Variants in DGKH observed in about 807,000 individuals in gnomAD.
DGKH encodes the protein DAG kinase eta.
DGKH carries 90 observed loss-of-function variants against 159.3 expected under a neutral mutation model. That is an observed-to-expected ratio of 0.57 (90% CI 0.48 to 0.67). The LOEUF is 0.67. Ranked by LOEUF, DGKH falls within the 30% of genes least tolerant of loss-of-function variation. The pLI, the probability that DGKH is intolerant of heterozygous loss-of-function variation, is 0.00. For missense variants in DGKH, 1,181 were observed against 1,506.1 expected (o/e 0.78, Z 3.57); for synonymous variants, 536 against 553.8 (o/e 0.97, Z 0.45).
At chr13:42,060,778 A>G (rs1331891826) in intron 1 of DGKH, among the ~76,000 whole-genome samples, 1 of 152,202 alleles carries the variant, frequency 6.6e-6, no homozygotes, top group African/African-American at 2.4e-5. Flanking sequence ...TTTAATCCTC[A>G]TAGTAAAACT....
At chr13:42,045,969 T>G (rs1017156234), upstream of DGKH, among the ~76,000 whole-genome samples, 1 of 152,224 alleles carries the variant, frequency 6.6e-6, no homozygotes, top group Non-Finnish European at 1.5e-5. Flanking sequence ...TTCAGTCTAA[T>G]AGGTGTTCTT....
At chr13:42,087,087 C>G (rs1382498249) in intron 1 of DGKH, among the ~76,000 whole-genome samples, 7 of 102,704 alleles carry the variant, frequency 6.8e-5, no homozygotes, top group Non-Finnish European at 1.2e-4. Flanking sequence ...ACACACACCT[C>G]AGAACAGAGT....
intron 1 of DGKH, among the ~76,000 whole-genome samples, chr13:42,080,573 A>G (rs1466362480): frequency 1.3e-5 from 2 of 152,256 alleles, no homozygotes; most frequent in Non-Finnish European, 2.9e-5. Flanking sequence ...TTCATTTTAC[A>G]GAAATCTTCC....
intron 1 of DGKH, among the ~76,000 whole-genome samples, chr13:42,108,761 G>A (rs1382589271): frequency 6.6e-6 from 1 of 152,170 alleles, no homozygotes; most frequent in African/African-American, 2.4e-5. Context: ...CATTCAGAGA[G>A]ATTTGGCACA....
At chr13:42,083,286 T>G (rs1439090949) in intron 1 of DGKH, among the ~76,000 whole-genome samples, 1 of 152,130 alleles carries the variant, frequency 6.6e-6, no homozygotes, top group Non-Finnish European at 1.5e-5. Context: ...ACTTGCAACT[T>G]AAATGATGAG....
At chr13:42,159,242 C>CTGTTTTTTTTTT in intron 5 of DGKH, 24 bp from the exon 6 acceptor site, 1 of 159,044 alleles carries the variant, frequency 6.3e-6, no homozygotes, top group Non-Finnish European at 1.0e-5. Flanking sequence ...AAAGCAGTTG[C>CTGTTTTTTTTTT]TCTTTTTTTT....
intron 10 of DGKH, 44 bp downstream of exon 10, chr13:42,168,592 C>G (rs1956366249): frequency 6.2e-7 from 1 of 1,613,010 alleles, no homozygotes; most frequent in Non-Finnish European, 8.5e-7. Context: ...TGAATGCATA[C>G]TAACATACTT....
intron 1 of DGKH, among the ~76,000 whole-genome samples, chr13:42,060,062 CG>C (rs1882038632): frequency 6.6e-6 from 1 of 152,122 alleles, no homozygotes; most frequent in South Asian, 2.1e-4. Context: ...CATGCCACCA[CG>C]CCTGGCTAAT....
chr13:42,174,692 C>G (rs960225221), intron 12 of DGKH, among the ~76,000 whole-genome samples: 2 of 152,130 alleles, frequency 1.3e-5, no homozygotes, highest in African/African-American at 4.8e-5. Context: ...GCTTGCTTTG[C>G]GTACTCTTTT....
In DGKH at chr13:42,237,535, G is replaced by T. The variant is rs1958442450; in HGVS notation, c.*8347G>T. 1 of 152,132 alleles carries T rather than the reference G, an allele frequency of 6.6e-6. No individual in the cohort carries two copies. Among genetic ancestry groups the T allele is most frequent in the African/African-American group, 2.4e-5 (1 of 41,420 alleles). The allele number at this position is 152,132 out of a possible 1,614,324, so 9.4% of individuals were successfully genotyped here. A position where few individuals can be genotyped will look rare whatever the true frequency, so the allele number is the denominator to read the frequency against. Reference sequence around the variant, plus strand: ...TCACCTTATATGATAGAAACACAAGGCACACGTGAGCTGTATAGTGTGCTG... The same window carrying T: ...TCACCTTATATGATAGAAACACAAGTCACACGTGAGCTGTATAGTGTGCTG... On this transcript the variant is annotated 3_prime_UTR_variant, in exon 30 of 30. Coordinates refer to ENST00000337343, the MANE Select transcript of DGKH (RefSeq NM_178009.5).
chr13:42,091,228 G>T (rs988702814), intron 1 of DGKH, among the ~76,000 whole-genome samples: 20 of 152,024 alleles, frequency 1.3e-4, no homozygotes, highest in Non-Finnish European at 1.9e-4. Context: ...TAGAAGAAAA[G>T]CTTCATGAAG....
upstream of DGKH, among the ~76,000 whole-genome samples, chr13:42,044,897 C>T (rs1328282159): frequency 1.3e-5 from 2 of 152,098 alleles, no homozygotes; most frequent in African/African-American, 4.8e-5. Flanking sequence ...CCAAACAAGC[C>T]TTACTGGGGG....
intron 1 of DGKH, among the ~76,000 whole-genome samples, chr13:42,122,350 C>T (rs1315855309): frequency 6.6e-6 from 1 of 152,150 alleles, no homozygotes; most frequent in East Asian, 1.9e-4. Context: ...GCTGGAAAGT[C>T]CAAGGGCATA....
rs1958524472 is a variant in DGKH at position 42,242,107 on chromosome 13, G to A, written c.*12919G>A. On this transcript the variant is annotated 3_prime_UTR_variant, in exon 30 of 30. Coordinates refer to ENST00000337343, the MANE Select transcript of DGKH (RefSeq NM_178009.5). ...TTGACTTTGTACAAGGTCCACAAAA[G>A]GAGGAGGCTCAAAAGATTGGACACT... 6.6e-6 allele frequency: 1 copy of A among 152,224 alleles called. No individual in the cohort carries two copies. The highest frequency in any genetic ancestry group is 2.1e-4 in the South Asian group (1 of 4,836). 9.4% of individuals were successfully genotyped at this position (152,224 alleles called of 1,614,324 possible).
chr13:42,198,509 T>C lies in DGKH; in HGVS notation c.2199T>C (p.Ala733=). The change falls in exon 18 of 30, where the codon GCT becomes GCC. Residue 733 remains alanine (A), a synonymous_variant. Transcript: ENST00000337343. ...GAGCAGGACTGGCTGCCTCAATTGC[T>C]GGGAGTTCGATTATCAACAAAATGT... ...GLRAGLAASI[A]GSSIINKMLL... 6.2e-7 allele frequency: 1 copy of C among 1,613,886 alleles called. No individual in the cohort carries two copies. Among genetic ancestry groups the C allele is most frequent in the East Asian group, 2.2e-5 (1 of 44,880 alleles).
chr13:42,197,386 C>CA (rs1957229086), intron 17 of DGKH, among the ~76,000 whole-genome samples: 1 of 151,482 alleles, frequency 6.6e-6, no homozygotes, highest in South Asian at 2.1e-4. Context: ...CTTGTTTAGA[C>CA]ATAAGGGAAA....
chr13:42,126,568 A>G (rs566246763), intron 1 of DGKH, among the ~76,000 whole-genome samples: 12 of 152,306 alleles, frequency 7.9e-5, no homozygotes, highest in African/African-American at 1.7e-4. Flanking sequence ...TAGCATACCT[A>G]AGGCACTTAA....
intron 13 of DGKH, 42 bp downstream of exon 13, chr13:42,178,262 A>G (rs1244389607): frequency 9.6e-6 from 14 of 1,461,298 alleles, no homozygotes; most frequent in Non-Finnish European, 1.3e-5. Flanking sequence ...GTGAAAATGA[A>G]ATGATAGCTG....
chr13:42,126,148 C>T (rs912876), intron 1 of DGKH, among the ~76,000 whole-genome samples: 22,301 of 152,062 alleles, frequency 0.15, 1,717 homozygotes, highest in Non-Finnish European at 0.17. Context: ...TAAAATGAAA[C>T]ATTAAATTTA....
Sources: allele counts gnomAD v4.1 joint callset (sites outside exome capture counted in the v4.1 genomes callset), GRCh38; gene constraint gnomAD v4.1.1; transcripts MANE v1.5; gene names NCBI Gene and HGNC (gene_info 2026-07-23, HGNC 2026-07-21).